The following PRKCB variants were observed in gnomAD, a reference collection of about 807,000 sequenced individuals.
The protein encoded by PRKCB is protein kinase C beta type.
In PRKCB, 13 loss-of-function variants were observed where a neutral mutation model predicts 81.5. The ratio of observed to expected loss-of-function variants is 0.16; its 90% CI spans 0.10 to 0.25. The LOEUF (loss-of-function observed/expected upper bound fraction) is 0.25. Among genes scored for constraint, PRKCB ranks in the 10% least tolerant of loss-of-function variants. The probability of loss-of-function intolerance (pLI) is 1.00; values close to 1 mark genes in which losing one functional copy is unlikely to be tolerated. For missense variants in PRKCB, 509 were observed against 875.7 expected (o/e 0.58, Z 5.29); for synonymous variants, 335 against 321.4 (o/e 1.04, Z -0.45).
intron 10 of PRKCB, among the ~76,000 whole-genome samples, chr16:24,163,214 G>A (rs1264529706): frequency 6.6e-6 from 1 of 152,156 alleles, no homozygotes. Flanking sequence ...GGGAATAATT[G>A]GTGCTCATGC....
At chr16:24,011,826 C>T (rs141079101) in intron 3 of PRKCB, among the ~76,000 whole-genome samples, 1 of 152,300 alleles carries the variant, frequency 6.6e-6, no homozygotes, top group African/African-American at 2.4e-5. Flanking sequence ...CTCTCTGTTC[C>T]TGTTTCTTCA....
At chr16:24,186,678 CTT>C (rs1967708699) in intron 15 of PRKCB, among the ~76,000 whole-genome samples, 1 of 152,200 alleles carries the variant, frequency 6.6e-6, no homozygotes, top group African/African-American at 2.4e-5. Context: ...GATGCACTGT[CTT>C]GGGTGAAGGA....
intron 2 of PRKCB, among the ~76,000 whole-genome samples, chr16:23,956,715 T>C (rs571545151): frequency 2.0e-5 from 3 of 152,276 alleles, no homozygotes; most frequent in East Asian, 3.9e-4. Context: ...AAAATACCTA[T>C]TGTTAAGCCA....
At chr16:24,019,724 G>A (rs1196268352) in intron 3 of PRKCB, among the ~76,000 whole-genome samples, 3 of 150,772 alleles carry the variant, frequency 2.0e-5, no homozygotes, top group African/African-American at 7.3e-5. Context: ...AGATTGCACT[G>A]CTGCACTCCA....
chr16:23,904,021 T>C lies in PRKCB; in HGVS notation c.205+66615T>C, dbSNP rs1963521768. On this transcript the variant is annotated intron_variant, in intron 2 of 16. Coordinates refer to ENST00000643927, the MANE Select transcript of PRKCB (RefSeq NM_002738.7). ...AAATGAATATGTGGTCTATTTCAAG[T>C]CCTCGTTTGTGTCTGCCCTAGAACT... Among the ~76,000 whole-genome samples, 4 of 152,238 alleles carry C rather than the reference T, an allele frequency of 2.6e-5. No individual in the cohort carries two copies. In the South Asian group the frequency reaches 8.3e-4, roughly 31 times the overall value.
At chr16:24,139,365 C>G (rs1395957835) in intron 9 of PRKCB, among the ~76,000 whole-genome samples, 1 of 152,214 alleles carries the variant, frequency 6.6e-6, no homozygotes, top group Non-Finnish European at 1.5e-5. Flanking sequence ...TTTCTTGTTA[C>G]AACCCAATTA....
chr16:24,152,988 G>A (rs922067786), intron 9 of PRKCB, among the ~76,000 whole-genome samples: 1 of 152,220 alleles, frequency 6.6e-6, no homozygotes, highest in African/African-American at 2.4e-5. Context: ...TGAGAGAGAA[G>A]ATGGTGAGGA....
Position 24,217,290 on chromosome 16 carries a change from G to A in PRKCB, c.*2474G>A. On this transcript the variant is annotated 3_prime_UTR_variant, in exon 17 of 17. Transcript: ENST00000643927. ...GATACTCAAGCCAAAGTCTGTTTTAGAGAAACTTTCCATGGAAAGTCAGAA... is the reference window on the plus strand; with the variant it reads ...GATACTCAAGCCAAAGTCTGTTTTAAAGAAACTTTCCATGGAAAGTCAGAA... The A allele has an allele frequency of 5.1e-6, 5 of 985,396 alleles. No individual in the cohort carries two copies. The highest frequency in any genetic ancestry group is 6.0e-6 in the Non-Finnish European group (5 of 829,910). The allele number at this position is 985,396 out of a possible 1,614,324, so 61.0% of individuals were successfully genotyped here. A position where few individuals can be genotyped will look rare whatever the true frequency, so the allele number is the denominator to read the frequency against.
intron 2 of PRKCB, among the ~76,000 whole-genome samples, chr16:23,881,965 C>T (rs8060215): frequency 7.1e-5 from 5 of 70,136 alleles, no homozygotes; most frequent in African/African-American, 1.3e-4. Context: ...TTTTTCTTTT[C>T]CTTTCTTTCT....
At chr16:24,049,710 T>G (rs1176678808) in intron 5 of PRKCB, among the ~76,000 whole-genome samples, 1 of 152,180 alleles carries the variant, frequency 6.6e-6, no homozygotes, top group Non-Finnish European at 1.5e-5. Context: ...CCTAAGAAAG[T>G]GTTCTCACTT....
intron 9 of PRKCB, among the ~76,000 whole-genome samples, chr16:24,151,013 C>T (rs567421154): frequency 1.3e-5 from 2 of 152,170 alleles, no homozygotes; most frequent in Non-Finnish European, 2.9e-5. Context: ...TCCTACGATG[C>T]GGAGCACATA....
Position 24,216,020 on chromosome 16 carries a change from T to C in PRKCB, c.*1204T>C, listed in dbSNP as rs1264395493. The C allele has an allele frequency of 1.1e-5, 11 of 984,074 alleles. No individual in the cohort carries two copies. Among genetic ancestry groups the C allele is most frequent in the Non-Finnish European group, 1.3e-5 (11 of 829,090 alleles). The allele number at this position is 984,074 out of a possible 1,614,324, so 61.0% of individuals were successfully genotyped here. On this transcript the variant is annotated 3_prime_UTR_variant, in exon 17 of 17. Coordinates refer to ENST00000643927, the MANE Select transcript of PRKCB (RefSeq NM_002738.7). ...AAAAAAAGAAAAGAAGAAGAAATAC[T>C]ATTTCAAGGAAAACTGCTCTTTTTG...
Position 24,109,557 on chromosome 16 carries a change from G to A in PRKCB, c.822-3416G>A, listed in dbSNP as rs377642616. Among the ~76,000 whole-genome samples, 9 of 126,976 alleles carry A rather than the reference G, an allele frequency of 7.1e-5. No homozygotes were observed. The East Asian group carries it at 1.1e-3, about 15-fold the overall frequency. The allele number at this position is 126,976 out of a possible 152,430, so 83.3% of individuals were successfully genotyped here. ...CACTTCCTAGATGTGATGGCCGCCC[G>A]GCAGAGGTGCTCCTCACTTCCTAGG... On this transcript the variant is annotated intron_variant, in intron 7 of 16. Coordinates refer to ENST00000643927, the MANE Select transcript of PRKCB (RefSeq NM_002738.7).
intron 10 of PRKCB, among the ~76,000 whole-genome samples, chr16:24,156,896 CTAAG>C (rs1438670668): frequency 6.6e-6 from 1 of 152,158 alleles, no homozygotes; most frequent in Non-Finnish European, 1.5e-5. Flanking sequence ...AGTAAATCAA[CTAAG>C]TAAGAAAGGG....
At chr16:24,162,508 G>C (rs1248042746) in intron 10 of PRKCB, among the ~76,000 whole-genome samples, 1 of 144,554 alleles carries the variant, frequency 6.9e-6, no homozygotes, top group Admixed American at 7.0e-5. Flanking sequence ...GAGTGCAGTG[G>C]TATAATCATG....
intron 9 of PRKCB, among the ~76,000 whole-genome samples, chr16:24,153,914 A>C (rs190592970): frequency 3.0e-4 from 46 of 152,356 alleles, no homozygotes; most frequent in Non-Finnish European, 2.5e-4. Context: ...TGAACATTAA[A>C]TACTTGAATT....
intron 1 of PRKCB, 37 bp downstream of exon 1, chr16:23,836,385 C>G: frequency 6.3e-7 from 1 of 1,589,536 alleles, no homozygotes; most frequent in Non-Finnish European, 8.5e-7. Flanking sequence ...CCCGGGCCCC[C>G]GAGGGCAGCG....
intron 2 of PRKCB, among the ~76,000 whole-genome samples, chr16:23,954,434 C>G (rs145341043): frequency 1.1e-4 from 16 of 152,304 alleles, no homozygotes; most frequent in Non-Finnish European, 2.4e-4. Context: ...GGGCTCTTGC[C>G]CTTCCCGTCC....
chr16:24,137,768 C>G (rs1234306623), intron 9 of PRKCB, among the ~76,000 whole-genome samples: 1 of 152,176 alleles, frequency 6.6e-6, no homozygotes, highest in Non-Finnish European at 1.5e-5. Flanking sequence ...TTCTATAATA[C>G]AACAAACATA....
Sources: gnomAD v4.1 joint callset for allele counts (sites outside exome capture counted in the v4.1 genomes callset) on GRCh38, gnomAD v4.1.1 for gene constraint, MANE v1.5 for transcripts, NCBI Gene and HGNC (gene_info 2026-07-23, HGNC 2026-07-21) for gene names.